The following SETD2 variants were observed in gnomAD, a reference collection of about 807,000 sequenced individuals.
The protein encoded by SETD2 is histone-lysine N-methyltransferase SETD2.
A neutral mutation model predicts 242.1 loss-of-function variants in SETD2; 31 were observed. That is an observed-to-expected ratio of 0.13 (90% CI 0.10 to 0.17). The LOEUF is 0.17. Among genes scored for constraint, SETD2 ranks in the 10% least tolerant of loss-of-function variants. The probability of loss-of-function intolerance (pLI) is 1.00; values close to 1 mark genes in which losing one functional copy is unlikely to be tolerated. For missense variants in SETD2, 2,481 were observed against 3,046.3 expected, an observed-to-expected ratio of 0.81 and a Z score of 4.37; for synonymous variants, 1,006 against 1,066.5, an observed-to-expected ratio of 0.94 and a Z score of 1.11.
rs1259831416 is a variant in SETD2 at position 47,078,583 on chromosome 3, GA to G, written c.6060+5136del. On this transcript the variant is annotated intron_variant, in intron 12 of 20. Transcript: ENST00000409792. The stretch of plus-strand genomic sequence containing the variant: ...ATTATGTGAACAACTGGCAAAATCT[GA>G]AAGAGGTCTGCTGATTAGATCATAG... 5.5e-5 allele frequency among the ~76,000 whole-genome samples: 7 copies of G among 127,526 alleles called. No homozygotes were observed. In the East Asian group the frequency reaches 1.7e-3, roughly 31 times the overall value. The allele number at this position is 127,526 out of a possible 152,430, so 83.7% of individuals were successfully genotyped here.
intron 12 of SETD2, among the ~76,000 whole-genome samples, chr3:47,070,548 C>T (rs1445172603): frequency 6.6e-6 from 1 of 152,190 alleles, no homozygotes; most frequent in Non-Finnish European, 1.5e-5. Context: ...GCGAGGATAA[C>T]TTTGACATTT....
chr3:47,139,834 C>CATGAAGT (rs1219853055), intron 1 of SETD2, among the ~76,000 whole-genome samples: 3 of 152,140 alleles, frequency 2.0e-5, no homozygotes, highest in Admixed American at 6.5e-5. Context: ...TCAGGTAAAG[C>CATGAAGT]ACTTTGGAGT....
At position 47,121,296 on chromosome 3, in the gene SETD2, C is replaced by T. The variant is rs1170003106; in HGVS notation, c.3340G>A (p.Glu1114Lys). Residue 1114 changes from glutamate (E) to lysine (K), a missense_variant, in exon 3 of 21, where the codon GAG (glutamate) becomes AAG (lysine). Physicochemically the swap from Glu to Lys is moderately conservative, Grantham distance 56 (BLOSUM62 1). Coordinates refer to ENST00000409792, the MANE Select transcript of SETD2 (RefSeq NM_014159.7). ...ERLESRRHLY[E>K]EKFESIASKA... ...CTTGCTATACTTTCAAATTTTTCCT[C>T]ATACAAATGTCTCCTTGACTCCAAT... is the stretch of plus-strand genomic sequence containing the variant. The T allele has an allele frequency of 1.2e-6, 2 of 1,613,014 alleles. No homozygotes were observed. Among genetic ancestry groups the T allele is most frequent in the African/African-American group, 1.3e-5 (1 of 74,918 alleles).
At chr3:47,127,226 C>T (rs748490761) in intron 1 of SETD2, among the ~76,000 whole-genome samples, 2 of 151,658 alleles carry the variant, frequency 1.3e-5, no homozygotes, top group East Asian at 1.9e-4. Flanking sequence ...GACATGGTGG[C>T]GTGCACTTAT....
chr3:47,153,758 GAA>G (rs200188709), intron 1 of SETD2, among the ~76,000 whole-genome samples: 1 of 107,274 alleles, frequency 9.3e-6, no homozygotes, highest in African/African-American at 3.5e-5. Context: ...ATCCAAAAAA[GAA>G]AAAAAAAAAA....
rs78323007 is a variant in SETD2 at position 47,119,076 on chromosome 3, T to C, written c.4454+1106A>G. On this transcript the variant is annotated intron_variant, in intron 3 of 20. Coordinates refer to ENST00000409792, the MANE Select transcript of SETD2 (RefSeq NM_014159.7). ...AGGAAAATTTGATTTAATAACATTT[T>C]GATCCTTAAAGATACAATGGCTAGG... Among the ~76,000 whole-genome samples, 26 of 152,330 alleles carry C rather than the reference T, an allele frequency of 1.7e-4. No individual in the cohort carries two copies. The East Asian group carries it at 5.0e-3, about 29-fold the overall frequency.
chr3:47,092,658 A>G (rs371199917), intron 9 of SETD2, among the ~76,000 whole-genome samples: 1 of 152,014 alleles, frequency 6.6e-6, no homozygotes. Flanking sequence ...TTAATACTTG[A>G]ATATTTGTGG....
chr3:47,148,729 A>T (rs2106817094), intron 1 of SETD2, among the ~76,000 whole-genome samples: 1 of 152,348 alleles, frequency 6.6e-6, no homozygotes, highest in South Asian at 2.1e-4. Flanking sequence ...GAAAAACTTT[A>T]TAGACATCCA....
chr3:47,092,377 T>C (rs6442056), intron 9 of SETD2, among the ~76,000 whole-genome samples: 150,041 of 152,194 alleles, frequency 0.99, 74,124 homozygotes, highest in Middle Eastern at 1. Flanking sequence ...ATTACATTTA[T>C]TAAAAGTCTT....
intron 5 of SETD2, among the ~76,000 whole-genome samples, chr3:47,106,493 T>TAAAAAAAAAAAAAAAAAAAAAAAA (rs766455577): frequency 1.7e-5 from 1 of 57,260 alleles, no homozygotes; most frequent in African/African-American, 6.7e-5. Flanking sequence ...ATTTTTGCTC[T>TAAAAAAAAAAAAAAAAAAAAAAAA]AAAAAAAAAA....
intron 9 of SETD2, among the ~76,000 whole-genome samples, chr3:47,089,102 A>G (rs1186481766): frequency 6.6e-6 from 1 of 152,190 alleles, no homozygotes; most frequent in Non-Finnish European, 1.5e-5. Context: ...ATTTTTATGC[A>G]CCTCAAAGCT....
At chr3:47,102,832 C>G (rs2042268939) in intron 7 of SETD2, among the ~76,000 whole-genome samples, 1 of 149,918 alleles carries the variant, frequency 6.7e-6, no homozygotes. Context: ...AGTCCCTCAT[C>G]AGTGTTATTA....
intron 6 of SETD2, among the ~76,000 whole-genome samples, chr3:47,104,314 G>A (rs1323222243): frequency 3.3e-5 from 5 of 152,270 alleles, no homozygotes; most frequent in Middle Eastern, 3.4e-3. Flanking sequence ...AGTTGAGGCA[G>A]GAGGATTGCT....
At chr3:47,142,344 C>T (rs1163795710) in intron 1 of SETD2, among the ~76,000 whole-genome samples, 1 of 151,884 alleles carries the variant, frequency 6.6e-6, no homozygotes, top group Non-Finnish European at 1.5e-5. Flanking sequence ...CTCGCCTCTA[C>T]AAAAAATAAG....
At chr3:47,100,314 G>GC (rs2042161294) in intron 8 of SETD2, among the ~76,000 whole-genome samples, 1 of 151,884 alleles carries the variant, frequency 6.6e-6, no homozygotes, top group Non-Finnish European at 1.5e-5. Flanking sequence ...AGGCTGGAGT[G>GC]CAACAGCACG....
chr3:47,067,140 G>C (rs1008379601), intron 12 of SETD2, 22 bp from the exon 13 acceptor site: 4 of 1,593,390 alleles, frequency 2.5e-6, no homozygotes, highest in Non-Finnish European at 3.4e-6. Context: ...AAACCAGAGG[G>C]AGGGTTATTA....
intron 18 of SETD2, among the ~76,000 whole-genome samples, chr3:47,026,409 A>T (rs186226128): frequency 3.3e-5 from 5 of 152,342 alleles, no homozygotes; most frequent in Admixed American, 6.5e-5. Flanking sequence ...TTCCTCAAGG[A>T]TCTAGAACCA....
chr3:47,131,593 G>A (rs955171418), intron 1 of SETD2, among the ~76,000 whole-genome samples: 6 of 151,762 alleles, frequency 4.0e-5, no homozygotes, highest in East Asian at 1.9e-4. Context: ...CGCCTGCCTC[G>A]GCCTCCCAAA....
intron 10 of SETD2, among the ~76,000 whole-genome samples, chr3:47,087,741 T>C (rs549813437): frequency 6.6e-6 from 1 of 152,014 alleles, no homozygotes; most frequent in East Asian, 1.9e-4. Flanking sequence ...CTGAGACGGG[T>C]GGATCATCTG....
Sources: allele counts gnomAD v4.1 joint callset (sites outside exome capture counted in the v4.1 genomes callset), GRCh38; gene constraint gnomAD v4.1.1; transcripts MANE v1.5; gene names NCBI Gene and HGNC (gene_info 2026-07-23, HGNC 2026-07-21).